NWD2: variants seen among roughly 807,000 people sequenced by gnomAD.
The protein encoded by NWD2 is NACHT and WD repeat domain containing 2, also known as NACHT and WD repeat domain-containing protein 2.
Under a neutral mutation model 132.7 loss-of-function variants are expected in NWD2, and 37 were observed. The ratio of observed to expected loss-of-function variants is 0.28; its 90% CI spans 0.21 to 0.37. The LOEUF is 0.37. NWD2 is among the 10% of genes least tolerant of loss of function. NWD2 has a pLI of 1.00. For synonymous variants in NWD2, 705 were observed against 803.0 expected (o/e 0.88, Z 2.06); for missense variants, 1,592 against 2,122.4 (o/e 0.75, Z 4.91).
chr4:37,365,845 G>T (rs992216317), intron 3 of NWD2, among the ~76,000 whole-genome samples: 2 of 152,106 alleles, frequency 1.3e-5, no homozygotes, highest in Non-Finnish European at 2.9e-5. Flanking sequence ...ATGATAAAAA[G>T]AATTATGGAG....
chr4:37,415,255 C>T (rs759322117), intron 3 of NWD2, among the ~76,000 whole-genome samples: 1 of 152,086 alleles, frequency 6.6e-6, no homozygotes, highest in Non-Finnish European at 1.5e-5. Flanking sequence ...GTTACTTGAC[C>T]TCTCTCACTC....
intron 2 of NWD2, among the ~76,000 whole-genome samples, chr4:37,350,747 A>G (rs1719742770): frequency 6.6e-6 from 1 of 151,868 alleles, no homozygotes; most frequent in Admixed American, 6.6e-5. Flanking sequence ...AAAAAGAGCA[A>G]CCTCGTCTTG....
At chr4:37,390,817 G>C (rs1473438060) in intron 3 of NWD2, among the ~76,000 whole-genome samples, 1 of 152,202 alleles carries the variant, frequency 6.6e-6, no homozygotes, top group African/African-American at 2.4e-5. Context: ...TTGGAGCCTG[G>C]AAGACGTTCG....
At chr4:37,309,035 C>T (rs958914844) in intron 1 of NWD2, among the ~76,000 whole-genome samples, 2 of 152,188 alleles carry the variant, frequency 1.3e-5, no homozygotes, top group African/African-American at 4.8e-5. Flanking sequence ...CATGAGAGAG[C>T]ACAGGAGCTC....
intron 3 of NWD2, among the ~76,000 whole-genome samples, chr4:37,416,762 C>T (rs1317575931): frequency 1.3e-5 from 2 of 152,148 alleles, no homozygotes; most frequent in Non-Finnish European, 2.9e-5. Context: ...TAGAATACTA[C>T]TCAGCTATAA....
chr4:37,337,055 C>T (rs1300916401), intron 2 of NWD2, among the ~76,000 whole-genome samples: 1 of 151,102 alleles, frequency 6.6e-6, no homozygotes, highest in Non-Finnish European at 1.5e-5. Context: ...GGGTATATAA[C>T]CTGAAATAAA....
At position 37,443,266 on chromosome 4, in the gene NWD2, C is replaced by A. The variant is rs755965472; in HGVS notation, c.1297-19C>A. On this transcript the variant is annotated intron_variant, in intron 6 of 6. Coordinates refer to ENST00000309447, the MANE Select transcript of NWD2 (RefSeq NM_001144990.2). This position sits in a 1 kb window ranked among gnomAD's most constrained non-coding sequence, Gnocchi z 4.1. ...TGTGAATACATATTACCATTCTAAA[C>A]TCCACTTTTGTGTTTCAGGCTTATG... 1.9e-6 allele frequency: 3 copies of A among 1,538,512 alleles called. No individual in the cohort carries two copies. The South Asian group carries it at 3.6e-5, about 18-fold the overall frequency.
At chr4:37,260,626 A>G (rs902189020) in intron 1 of NWD2, among the ~76,000 whole-genome samples, 1 of 152,232 alleles carries the variant, frequency 6.6e-6, no homozygotes, top group Non-Finnish European at 1.5e-5. Context: ...AACAAGGAAT[A>G]CAACAAAGTT....
At chr4:37,267,624 G>A (rs548856913) in intron 1 of NWD2, among the ~76,000 whole-genome samples, 51 of 151,956 alleles carry the variant, frequency 3.4e-4, no homozygotes, top group African/African-American at 9.2e-4. Flanking sequence ...GAAAGTCGTG[G>A]GCTGTAAATT....
Position 37,433,969 on chromosome 4 carries a change from C to T in NWD2, c.655C>T (p.His219Tyr). The T allele has an allele frequency of 1.3e-6, 2 of 1,550,754 alleles. No individual in the cohort carries two copies. The highest frequency in any genetic ancestry group is 1.7e-6 in the Non-Finnish European group (2 of 1,146,386). Residue 219 changes from histidine (H) to tyrosine (Y), a missense_variant, in exon 5 of 7, where the codon CAC (histidine) becomes TAC (tyrosine). Coordinates refer to ENST00000309447, the MANE Select transcript of NWD2 (RefSeq NM_001144990.2). ...KIFKAAVKLL[H>Y]EKGKMKHSQA... ...ATTTAAGGCTGCTGTAAAGCTGTTACACGAAAAGGGTAAAATGAAACACAG... is the reference window on the plus strand; with the variant it reads ...ATTTAAGGCTGCTGTAAAGCTGTTATACGAAAAGGGTAAAATGAAACACAG...
At chr4:37,281,628 T>C (rs1235412339) in intron 1 of NWD2, among the ~76,000 whole-genome samples, 4 of 152,102 alleles carry the variant, frequency 2.6e-5, no homozygotes, top group Non-Finnish European at 5.9e-5. Flanking sequence ...GCGTCCCCAT[T>C]TCATATATGA....
intron 1 of NWD2, among the ~76,000 whole-genome samples, chr4:37,283,361 T>C (rs2109269058): frequency 1.3e-5 from 2 of 152,322 alleles, no homozygotes; most frequent in East Asian, 3.9e-4. Context: ...ACTTACGTTC[T>C]CTTTAATGTT....
Position 37,244,889 on chromosome 4 carries a change from C to T in NWD2, c.-179C>T, listed in dbSNP as rs979243467. 27 of 730,874 alleles carry T rather than the reference C, an allele frequency of 3.7e-5. No individual in the cohort carries two copies. In the African/African-American group the frequency reaches 4.6e-4, roughly 12 times the overall value. The allele number at this position is 730,874 out of a possible 1,614,324, so 45.3% of individuals were successfully genotyped here. ...AGCCCGAGGGTCCGTATGGCTTCTCCTCGCCGGCGGGTGCTGTGCGCCACG... is the reference window on the plus strand; with the variant it reads ...AGCCCGAGGGTCCGTATGGCTTCTCTTCGCCGGCGGGTGCTGTGCGCCACG... On this transcript the variant is annotated 5_prime_UTR_variant, in exon 1 of 7. Transcript: ENST00000309447. This position sits in a 1 kb window ranked among gnomAD's most constrained non-coding sequence, Gnocchi z 5.5.
Position 37,444,508 on chromosome 4 carries a change from C to T in NWD2, c.2520C>T (p.His840=), listed in dbSNP as rs1208584355. 6.4e-7 allele frequency: 1 copy of T among 1,551,826 alleles called. No individual in the cohort carries two copies. The highest frequency in any genetic ancestry group is 2.0e-5 in the Admixed American group (1 of 50,996). The change falls in exon 7 of 7, where the codon CAC becomes CAT. Residue 840 remains histidine, a synonymous_variant. Coordinates refer to ENST00000309447, the MANE Select transcript of NWD2 (RefSeq NM_001144990.2). The surrounding 1 kb of genome is among the most constrained non-coding windows in gnomAD (Gnocchi z 4.8). The stretch of plus-strand genomic sequence containing the variant: ...GGAAAATGTCTGAGCTGTTGTACCA[C>T]TTGACGAGGTGTGGAAAAACCGATG... ...NHRKMSELLY[H]LTRCGKTDDL... is the part of the protein sequence containing the mutation.
chr4:37,417,572 C>T (rs1422226744), intron 3 of NWD2, among the ~76,000 whole-genome samples: 1 of 152,040 alleles, frequency 6.6e-6, no homozygotes, highest in Admixed American at 6.6e-5. Flanking sequence ...TGTTATATTT[C>T]CTTTACTTTA....
chr4:37,255,329 A>T (rs1717494024), intron 1 of NWD2, among the ~76,000 whole-genome samples: 3 of 152,200 alleles, frequency 2.0e-5, no homozygotes, highest in Non-Finnish European at 4.4e-5. Flanking sequence ...ACTGAGAAGG[A>T]TCAGACCTAA....
Position 37,292,179 on chromosome 4 carries a change from G to A in NWD2, c.152-33757G>A, listed in dbSNP as rs141729306. Among the ~76,000 whole-genome samples the A allele has an allele frequency of 4.6e-3, 707 of 152,192 alleles. 5 individuals carry two copies. Among genetic ancestry groups the A allele is most frequent in the East Asian group, 0.021 (107 of 5,174 alleles). On this transcript the variant is annotated intron_variant, in intron 1 of 6. Transcript: ENST00000309447. ...CCGTTGTCAGGGCAAATTCCTAGGCGCTCCAAAGATCCATGCAGGAAACTG... is the reference window on the plus strand; with the variant it reads ...CCGTTGTCAGGGCAAATTCCTAGGCACTCCAAAGATCCATGCAGGAAACTG...
chr4:37,256,425 T>C (rs1194510754), intron 1 of NWD2, among the ~76,000 whole-genome samples: 2 of 152,168 alleles, frequency 1.3e-5, no homozygotes, highest in African/African-American at 4.8e-5. Flanking sequence ...AACTGTTAAA[T>C]AGACTGAAAA....
chr4:37,250,334 G>T (rs145483661), intron 1 of NWD2, among the ~76,000 whole-genome samples: 1 of 152,154 alleles, frequency 6.6e-6, no homozygotes, highest in South Asian at 2.1e-4. Flanking sequence ...TGAAGCAGAC[G>T]TTATTCAAGT....
Sources: allele counts gnomAD v4.1 joint callset (sites outside exome capture counted in the v4.1 genomes callset), GRCh38; gene constraint gnomAD v4.1.1; non-coding constraint Gnocchi (gnomAD v3.1); transcripts MANE v1.5; gene names NCBI Gene and HGNC (gene_info 2026-07-23, HGNC 2026-07-21).